Variants in KCNH1 observed in about 807,000 individuals in gnomAD.
KCNH1 encodes potassium voltage-gated channel subfamily H member 1.
In KCNH1, 27 loss-of-function variants were observed where a neutral mutation model predicts 69.2. The ratio of observed to expected loss-of-function variants is 0.39; its 90% CI spans 0.29 to 0.54. The LOEUF is 0.54. Among genes scored for constraint, KCNH1 ranks in the 20% least tolerant of loss-of-function variants. The pLI is 0.68. For missense variants in KCNH1, 798 were observed against 1,261.6 expected, an observed-to-expected ratio of 0.63 and a Z score of 5.57; for synonymous variants, 456 against 487.7, an observed-to-expected ratio of 0.93 and a Z score of 0.86.
At chr1:210,970,188 G>GC (rs1319878556) in intron 6 of KCNH1, among the ~76,000 whole-genome samples, 3 of 151,740 alleles carry the variant, frequency 2.0e-5, no homozygotes, top group African/African-American at 7.3e-5. Flanking sequence ...ATGGTGGTTT[G>GC]CTGCACCTAT....
At chr1:210,726,810 C>CAAG (rs58908884) in intron 10 of KCNH1, among the ~76,000 whole-genome samples, 3 of 146,740 alleles carry the variant, frequency 2.0e-5, no homozygotes, top group Admixed American at 6.7e-5. Flanking sequence ...AGTTCCCCGG[C>CAAG]GGGGGTGGGG....
intron 7 of KCNH1, among the ~76,000 whole-genome samples, chr1:210,806,830 A>T (rs1328282794): frequency 0.18 from 9,666 of 54,170 alleles, 1,571 homozygotes; most frequent in East Asian, 0.36. Context: ...AAAAAAAAAA[A>T]AAAAAAATAT....
At position 211,107,382 on chromosome 1, in the gene KCNH1, TAAAAA is replaced by T; in HGVS notation, c.80-10_80-6del. On this transcript the variant is annotated splice_polypyrimidine_tract_variant and splice_region_variant and intron_variant, in intron 1 of 10. Coordinates refer to ENST00000271751, the MANE Select transcript of KCNH1 (RefSeq NM_172362.3). ...TCCCCAACACAAAATTAGTATCTGT[TAAAAA>T]AAAAAAAAAGGGAAAAAAGGGCACA... 6.8e-7 allele frequency: 1 copy of T among 1,464,744 alleles called. No homozygotes were observed. Among genetic ancestry groups the T allele is most frequent in the Non-Finnish European group, 9.3e-7 (1 of 1,080,918 alleles). The allele number at this position is 1,464,744 out of a possible 1,614,324, so 90.7% of individuals were successfully genotyped here.
At chr1:211,131,006 T>C (rs1030661820) in intron 1 of KCNH1, among the ~76,000 whole-genome samples, 2 of 152,184 alleles carry the variant, frequency 1.3e-5, no homozygotes, top group African/African-American at 4.8e-5. Flanking sequence ...TTATGCTTCT[T>C]GAGAGAATAT....
intron 1 of KCNH1, among the ~76,000 whole-genome samples, chr1:211,126,791 C>A (rs945777966): frequency 6.6e-6 from 1 of 151,328 alleles, no homozygotes. Flanking sequence ...AATGGATGAG[C>A]AACCCAAGAC....
Position 210,688,271 on chromosome 1 carries a change from C to G in KCNH1, c.2113-4133G>C, listed in dbSNP as rs1681450068. On this transcript the variant is annotated intron_variant, in intron 10 of 10. Transcript: ENST00000271751. ...GATGCTCTCTGTATTTGTGTATAGC[C>G]CTAACAGATGGTCAGTTGTTTCCTG... Among the ~76,000 whole-genome samples the G allele has an allele frequency of 1.3e-5, 2 of 152,234 alleles. 1 individual carries two copies. The highest frequency in any genetic ancestry group is 4.2e-4 in the South Asian group (2 of 4,818).
intron 7 of KCNH1, chr1:210,861,069 T>C (rs752437955): frequency 2.8e-5 from 26 of 920,574 alleles, no homozygotes; most frequent in Non-Finnish European, 4.5e-5. Flanking sequence ...ACCTCCTTCC[T>C]CTTACTATGG....
chr1:210,803,740 G>A (rs942841047), intron 8 of KCNH1, among the ~76,000 whole-genome samples: 2 of 152,150 alleles, frequency 1.3e-5, no homozygotes, highest in African/African-American at 4.8e-5. Context: ...TCTTCTCCAG[G>A]AAATACACCC....
chr1:210,989,013 AT>A (rs1265160137), intron 6 of KCNH1, among the ~76,000 whole-genome samples: 2 of 152,088 alleles, frequency 1.3e-5, no homozygotes, highest in East Asian at 1.9e-4. Context: ...CTTAGATAAC[AT>A]TTTTTTTCTT....
chr1:211,075,131 A>G (rs1349077990), intron 5 of KCNH1, among the ~76,000 whole-genome samples: 1 of 152,188 alleles, frequency 6.6e-6, no homozygotes, highest in Admixed American at 6.5e-5. Context: ...TTTTTCTATT[A>G]ACCATAAGAA....
At chr1:211,082,674 G>A (rs1230982189) in intron 5 of KCNH1, 106 bp downstream of exon 5, 6 of 839,416 alleles carry the variant, frequency 7.1e-6, no homozygotes, top group South Asian at 1.6e-5. Flanking sequence ...GCGTCTGGGG[G>A]TCCTGAAGGT....
chr1:210,934,554 G>A (rs1219379360), intron 6 of KCNH1, among the ~76,000 whole-genome samples: 3 of 151,994 alleles, frequency 2.0e-5, no homozygotes, highest in East Asian at 1.9e-4. Context: ...CAGAAGAATC[G>A]CTTGAAACCA....
intron 6 of KCNH1, among the ~76,000 whole-genome samples, chr1:211,009,408 G>C (rs1689352165): frequency 6.6e-6 from 1 of 152,022 alleles, no homozygotes; most frequent in Admixed American, 6.6e-5. Context: ...CAGCAGCTGG[G>C]GTATGTGGAG....
intron 5 of KCNH1, among the ~76,000 whole-genome samples, chr1:211,054,006 A>G (rs1690256395): frequency 6.6e-6 from 1 of 152,192 alleles, no homozygotes; most frequent in South Asian, 2.1e-4. Flanking sequence ...ATGGTGGCTC[A>G]CACCTGTAAT....
intron 6 of KCNH1, among the ~76,000 whole-genome samples, chr1:210,962,086 C>T (rs1688305281): frequency 6.6e-6 from 1 of 152,112 alleles, no homozygotes; most frequent in South Asian, 2.1e-4. Context: ...CAGCTCTCTG[C>T]AACTTTCTCT....
At chr1:210,721,701 TAAATG>T in intron 10 of KCNH1, among the ~76,000 whole-genome samples, 1 of 152,146 alleles carries the variant, frequency 6.6e-6, no homozygotes, top group Non-Finnish European at 1.5e-5. Flanking sequence ...TACCTAATGT[TAAATG>T]ACGAGTTAAT....
At chr1:211,087,916 G>T (rs1036460863) in intron 4 of KCNH1, among the ~76,000 whole-genome samples, 1 of 152,098 alleles carries the variant, frequency 6.6e-6, no homozygotes, top group East Asian at 1.9e-4. Flanking sequence ...TAGAAGAGAA[G>T]TTACTTTGTG....
In KCNH1 at chr1:210,683,774, C is replaced by A. The variant is rs115026899; in HGVS notation, c.2477G>T (p.Gly826Val). The change falls in exon 11 of 11, where the codon GGG becomes GTG. Residue 826 changes from glycine to valine, a missense_variant. This residue lies in a region of KCNH1 where 331 missense variants were observed against 363.2 expected (regional missense o/e 0.91). Transcript: ENST00000271751. This position sits in a 1 kb window ranked among gnomAD's most constrained non-coding sequence, Gnocchi z 5.7. ...APGSECLGPKGGGGDCAKRKS... is the reference protein window; with the variant it reads ...APGSECLGPKVGGGDCAKRKS... Reference sequence around the variant, plus strand: ...GCGCTTGGCACAATCGCCCCCGCCCCCCTTGGGGCCCAGGCACTCGGACCC... The same window carrying A: ...GCGCTTGGCACAATCGCCCCCGCCCACCTTGGGGCCCAGGCACTCGGACCC... 0.031 allele frequency: 50,473 copies of A among 1,613,828 alleles called. 926 individuals carry two copies. Among genetic ancestry groups the A allele is most frequent in the Non-Finnish European group, 0.036 (42,544 of 1,180,028 alleles).
intron 5 of KCNH1, among the ~76,000 whole-genome samples, chr1:211,033,252 T>G (rs1468908981): frequency 6.6e-6 from 1 of 152,142 alleles, no homozygotes; most frequent in Non-Finnish European, 1.5e-5. Flanking sequence ...CATTAAAAAG[T>G]CAGGAAACAG....
Sources: allele counts gnomAD v4.1 joint callset (sites outside exome capture counted in the v4.1 genomes callset), GRCh38; gene constraint gnomAD v4.1.1; regional missense constraint gnomAD v4.1.1; non-coding constraint Gnocchi (gnomAD v3.1); transcripts MANE v1.5; gene names NCBI Gene and HGNC (gene_info 2026-07-23, HGNC 2026-07-21).